Variants in MCF2 observed in about 807,000 individuals in gnomAD.
MCF2 encodes the protein MCF.2 cell line derived transforming sequence, also known as proto-oncogene DBL.
A neutral mutation model predicts 82.5 loss-of-function variants in MCF2; 44 were observed. That is an observed-to-expected ratio of 0.53 (90% CI 0.42 to 0.69). The LOEUF (loss-of-function observed/expected upper bound fraction) is 0.69. MCF2 is among the 30% of genes least tolerant of loss of function. MCF2 has a pLI of 0.00. For synonymous variants in MCF2, 217 were observed against 224.9 expected (o/e 0.96, Z 0.32); for missense variants, 623 against 663.1 (o/e 0.94, Z 0.66).
At chrX:139,613,130 C>A in intron 10 of MCF2, 86 bp downstream of exon 14, 1 of 623,041 alleles carries the variant, frequency 1.6e-6, no homozygotes, top group Admixed American at 3.3e-5. Flanking sequence ...TGAACTGCTG[C>A]TGTTTTTAGA....
chrX:139,665,895 G>GTATATA (rs1195016141), intron 1 of MCF2, among the ~76,000 whole-genome samples: 2 of 65,483 alleles, frequency 3.1e-5, no homozygotes, highest in Non-Finnish European at 5.4e-5. Context: ...GTAGGTGTGT[G>GTATATA]TGTATATATA....
upstream of MCF2, chrX:139,645,627 T>A: frequency 8.3e-7 from 1 of 1,201,200 alleles, no homozygotes; most frequent in Non-Finnish European, 1.1e-6. Flanking sequence ...CGATCCAGAA[T>A]AATGGTAAAC....
chrX:139,608,711 T>C (rs1195220580), intron 11 of MCF2, among the ~76,000 whole-genome samples: 1 of 111,984 alleles, frequency 8.9e-6, no homozygotes, highest in Non-Finnish European at 1.9e-5. Flanking sequence ...TGACTTTCTA[T>C]ATATTAGGCA....
At chrX:139,617,751 C>A in intron 7 of MCF2, 47 bp from the exon 11 acceptor site, 1 of 784,734 alleles carries the variant, frequency 1.3e-6, no homozygotes, top group Non-Finnish European at 1.7e-6. Flanking sequence ...ATCTCTGTTC[C>A]TATAGAGAAA....
At chrX:139,689,697 C>T (rs142405213) in intron 1 of MCF2, among the ~76,000 whole-genome samples, 234 of 109,293 alleles carry the variant, frequency 2.1e-3, no homozygotes, top group African/African-American at 7.4e-3. Context: ...ATCCCTACCA[C>T]GTTCAATCCC....
intron 15 of MCF2, among the ~76,000 whole-genome samples, chrX:139,602,879 C>T (rs1359900787): frequency 8.9e-6 from 1 of 112,203 alleles, no homozygotes; most frequent in Admixed American, 9.4e-5. Flanking sequence ...CAAGTTAGAG[C>T]CTACAGTCCT....
intron 1 of MCF2, among the ~76,000 whole-genome samples, chrX:139,707,478 G>T (rs1935613299): frequency 9.0e-6 from 1 of 111,350 alleles, no homozygotes; most frequent in African/African-American, 3.3e-5. Flanking sequence ...CATCCCCCCG[G>T]CTACCTTCTG....
chrX:139,661,230 T>C (rs1446814627), intron 1 of MCF2, among the ~76,000 whole-genome samples: 1 of 111,408 alleles, frequency 9.0e-6, no homozygotes. Context: ...GGGACTGATA[T>C]GGTTTGAGTA....
chrX:139,627,579 T>C (rs1343995494), intron 4 of MCF2, among the ~76,000 whole-genome samples: 1 of 111,810 alleles, frequency 8.9e-6, no homozygotes, highest in Non-Finnish European at 1.9e-5. Flanking sequence ...AAAGTTTTGG[T>C]GTACATTTAT....
At chrX:139,691,893 G>C (rs986731769) in intron 1 of MCF2, 4 of 1,149,145 alleles carry the variant, frequency 3.5e-6, no homozygotes, top group Non-Finnish European at 4.7e-6. Context: ...CGCCGGGGAG[G>C]AGATGAGAGG....
At chrX:139,613,386 T>TC in intron 10 of MCF2, 123 bp from the exon 14 acceptor site, 1 of 512,799 alleles carries the variant, frequency 2.0e-6, no homozygotes, top group Non-Finnish European at 3.1e-6. Context: ...TCCTCAAAAC[T>TC]CCGTTCCTCA....
chrX:139,648,228 C>T (rs189188346), intron 2 of MCF2, among the ~76,000 whole-genome samples: 62 of 109,368 alleles, frequency 5.7e-4, no homozygotes, highest in African/African-American at 1.7e-3. Flanking sequence ...AAAAATTAGC[C>T]GGGTGTGGTG....
intron 2 of MCF2, among the ~76,000 whole-genome samples, chrX:139,648,671 C>A (rs1163791493): frequency 8.9e-6 from 1 of 111,840 alleles, no homozygotes; most frequent in Non-Finnish European, 1.9e-5. Context: ...AAGAAACACA[C>A]ATTTTAAATA....
chrX:139,602,259 G>A (rs1418029441), intron 16 of MCF2, 147 bp downstream of exon 20: 7 of 476,194 alleles, frequency 1.5e-5, no homozygotes, highest in Non-Finnish European at 2.6e-5. Flanking sequence ...GTGTTTGTGT[G>A]TGTTGGGGGG....
intron 23 of MCF2, among the ~76,000 whole-genome samples, chrX:139,585,913 G>A (rs1928912917): frequency 9.0e-6 from 1 of 111,697 alleles, no homozygotes; most frequent in South Asian, 3.8e-4. Flanking sequence ...TAAATATTTC[G>A]GCTGTTAATG....
intron 1 of MCF2, among the ~76,000 whole-genome samples, chrX:139,683,800 T>C (rs1935058764): frequency 8.9e-6 from 1 of 111,762 alleles, no homozygotes; most frequent in South Asian, 3.8e-4. Flanking sequence ...AGCTGAATCT[T>C]TGCCGCACAC....
intron 19 of MCF2, among the ~76,000 whole-genome samples, chrX:139,594,086 A>G (rs1353522286): frequency 1.8e-5 from 2 of 111,254 alleles, no homozygotes; most frequent in African/African-American, 6.5e-5. Context: ...GGATATAAAG[A>G]AATGGAAGAA....
At chrX:139,648,329 G>T (rs1933874165) in intron 2 of MCF2, among the ~76,000 whole-genome samples, 1 of 110,614 alleles carries the variant, frequency 9.0e-6, no homozygotes, top group Non-Finnish European at 1.9e-5. Context: ...CCAAGATCAT[G>T]CCACTACACT....
intron 19 of MCF2, among the ~76,000 whole-genome samples, chrX:139,594,141 C>T (rs1416023147): frequency 9.1e-6 from 1 of 109,758 alleles, no homozygotes; most frequent in East Asian, 2.9e-4. Context: ...GTGAAAATGG[C>T]CATACTGCCC....
Sources: gnomAD v4.1 joint callset for allele counts (sites outside exome capture counted in the v4.1 genomes callset) on GRCh38, gnomAD v4.1.1 for gene constraint, MANE v1.5 for transcripts, NCBI Gene and HGNC (gene_info 2026-07-23, HGNC 2026-07-21) for gene names.